APPBP2: variants seen among roughly 807,000 people sequenced by gnomAD.
The protein encoded by APPBP2 is amyloid beta precursor protein binding protein 2.
APPBP2 carries 15 observed loss-of-function variants against 76.0 expected under a neutral mutation model. The ratio of observed to expected loss-of-function variants is 0.20; its 90% CI spans 0.13 to 0.30. The LOEUF (loss-of-function observed/expected upper bound fraction) is 0.30, where lower values mean the gene tolerates loss of function less well. APPBP2 is among the 10% of genes least tolerant of loss of function. APPBP2 has a pLI of 1.00. For synonymous variants in APPBP2, 222 were observed against 242.2 expected (o/e 0.92, Z 0.77); for missense variants, 401 against 687.2 (o/e 0.58, Z 4.66).
chr17:60,481,906 A>G (rs1320365870), intron 3 of APPBP2, among the ~76,000 whole-genome samples: 4 of 152,198 alleles, frequency 2.6e-5, no homozygotes, highest in Non-Finnish European at 4.4e-5. Context: ...TTTTAGAGAC[A>G]GAGTTTGCTC....
chr17:60,450,898 C>T (rs745466128), intron 12 of APPBP2, among the ~76,000 whole-genome samples: 4 of 152,132 alleles, frequency 2.6e-5, no homozygotes, highest in Non-Finnish European at 4.4e-5. Context: ...GAAGGTCTGT[C>T]ATATTCATAT....
chr17:60,474,224 G>A (rs756829253), intron 4 of APPBP2, among the ~76,000 whole-genome samples: 3 of 150,450 alleles, frequency 2.0e-5, no homozygotes, highest in Non-Finnish European at 3.0e-5. Context: ...AGGTTGGAGT[G>A]CAATGGTGCA....
intron 12 of APPBP2, among the ~76,000 whole-genome samples, chr17:60,448,739 G>A (rs1234198688): frequency 6.6e-6 from 1 of 152,282 alleles, no homozygotes. Flanking sequence ...TTTTGTGTAT[G>A]ATAGGGAAAT....
chr17:60,452,084 T>C (rs1158699686), intron 11 of APPBP2, 39 bp from the exon 12 acceptor site: 2 of 1,599,226 alleles, frequency 1.3e-6, no homozygotes, highest in African/African-American at 1.4e-5. Context: ...TTATACTTTT[T>C]CTCATCTTAA....
chr17:60,494,389 C>T, intron 3 of APPBP2, 77 bp downstream of exon 3: 3 of 1,531,798 alleles, frequency 2.0e-6, no homozygotes, highest in Non-Finnish European at 2.7e-6. Context: ...TGGGAAAGCC[C>T]TGGAAGAATT....
At chr17:60,450,035 G>A (rs1271240774) in intron 12 of APPBP2, among the ~76,000 whole-genome samples, 3 of 151,970 alleles carry the variant, frequency 2.0e-5, no homozygotes, top group African/African-American at 4.8e-5. Context: ...GACCTCAAGT[G>A]ATCCACCTGC....
chr17:60,453,743 T>C (rs2090413384), intron 11 of APPBP2, among the ~76,000 whole-genome samples: 1 of 152,076 alleles, frequency 6.6e-6, no homozygotes, highest in Admixed American at 6.6e-5. Context: ...TTCCCTATAT[T>C]GACCAGGCTA....
chr17:60,489,721 C>T (rs998706003), intron 3 of APPBP2, among the ~76,000 whole-genome samples: 4 of 151,468 alleles, frequency 2.6e-5, no homozygotes, highest in African/African-American at 7.3e-5. Context: ...GGCACATGCA[C>T]ACAGTAATGA....
chr17:60,458,271 TAA>T (rs2090446445), intron 9 of APPBP2, among the ~76,000 whole-genome samples: 1 of 151,964 alleles, frequency 6.6e-6, no homozygotes, highest in African/African-American at 2.4e-5. Flanking sequence ...CTGTCTCTAC[TAA>T]AAATACAAAA....
At position 60,451,827 on chromosome 17, in the gene APPBP2, C is replaced by T. The variant is rs142010954; in HGVS notation, c.1504+53G>A. The T allele has an allele frequency of 6.3e-5, 93 of 1,473,370 alleles. No homozygotes were observed. The African/African-American group carries it at 1.2e-3, about 19-fold the overall frequency. The allele number at this position is 1,473,370 out of a possible 1,614,324, so 91.3% of individuals were successfully genotyped here. A position where few individuals can be genotyped will look rare whatever the true frequency, so the allele number is the denominator to read the frequency against. ...TTCCTTATACAACATATAAGACATG[C>T]TGACATGTTGATTTGTAATCAACTG... is the stretch of plus-strand genomic sequence containing the variant. On this transcript the variant is annotated intron_variant, in intron 12 of 12. Coordinates refer to ENST00000083182, the MANE Select transcript of APPBP2 (RefSeq NM_006380.5).
intron 3 of APPBP2, among the ~76,000 whole-genome samples, chr17:60,484,550 C>T (rs1334924122): frequency 1.3e-5 from 2 of 152,090 alleles, no homozygotes; most frequent in South Asian, 4.1e-4. Context: ...CATAAGAATG[C>T]TTGTGATTTT....
intron 4 of APPBP2, among the ~76,000 whole-genome samples, chr17:60,467,521 C>A (rs1466952407): frequency 6.6e-6 from 1 of 152,170 alleles, no homozygotes; most frequent in Non-Finnish European, 1.5e-5. Flanking sequence ...CCTCCCAACA[C>A]GTACCATACA....
chr17:60,500,558 A>T, intron 1 of APPBP2, 71 bp from the exon 2 acceptor site: 1 of 1,075,770 alleles, frequency 9.3e-7, no homozygotes, highest in Non-Finnish European at 1.4e-6. Flanking sequence ...CATATTTGAT[A>T]AATGTAATTT....
chr17:60,477,814 AAAAAT>A (rs2090601593), intron 4 of APPBP2, among the ~76,000 whole-genome samples: 1 of 151,696 alleles, frequency 6.6e-6, no homozygotes, highest in Non-Finnish European at 1.5e-5. Flanking sequence ...AAAAAAAAAA[AAAAAT>A]AGAGTTTTAC....
intron 4 of APPBP2, among the ~76,000 whole-genome samples, chr17:60,474,571 A>C (rs2090575874): frequency 6.6e-6 from 1 of 152,190 alleles, no homozygotes; most frequent in South Asian, 2.1e-4. Flanking sequence ...TTTCTTTCCT[A>C]AATACTACTT....
At chr17:60,468,750 T>A (rs1245063589) in intron 4 of APPBP2, among the ~76,000 whole-genome samples, 2 of 152,200 alleles carry the variant, frequency 1.3e-5, no homozygotes, top group Non-Finnish European at 2.9e-5. Context: ...ATCCCAACCT[T>A]CTGCCTAAGG....
At chr17:60,491,896 C>A (rs537142150) in intron 3 of APPBP2, among the ~76,000 whole-genome samples, 1 of 152,314 alleles carries the variant, frequency 6.6e-6, no homozygotes, top group South Asian at 2.1e-4. Flanking sequence ...ATGCTAATCT[C>A]CAAGACAATG....
intron 3 of APPBP2, among the ~76,000 whole-genome samples, chr17:60,480,905 G>A (rs1282967577): frequency 6.6e-6 from 1 of 152,140 alleles, no homozygotes; most frequent in Non-Finnish European, 1.5e-5. Flanking sequence ...GGTTCCTGCT[G>A]ACAAAAACAC....
intron 3 of APPBP2, among the ~76,000 whole-genome samples, chr17:60,480,566 A>AT (rs11399154): frequency 0.082 from 12,486 of 152,150 alleles, 1,697 homozygotes; most frequent in African/African-American, 0.28. Flanking sequence ...GTAATTAAGC[A>AT]TTTTTTTAAT....
Sources: allele counts gnomAD v4.1 joint callset (sites outside exome capture counted in the v4.1 genomes callset), GRCh38; gene constraint gnomAD v4.1.1; transcripts MANE v1.5; gene names NCBI Gene and HGNC (gene_info 2026-07-23, HGNC 2026-07-21).